SLC35G2: variants seen among roughly 807,000 people sequenced by gnomAD.
SLC35G2 encodes the protein solute carrier family 35 member G2, also known as transmembrane protein 22.
In SLC35G2, 20 loss-of-function variants were observed where a neutral mutation model predicts 27.2. The ratio of observed to expected loss-of-function variants is 0.74; its 90% CI spans 0.52 to 1.07. The LOEUF is 1.07. Ranked by LOEUF, SLC35G2 falls within the 50% of genes least tolerant of loss-of-function variation. SLC35G2 has a pLI of 0.00. For synonymous variants in SLC35G2, 148 were observed against 165.3 expected, an observed-to-expected ratio of 0.90 and a Z score of 0.80; for missense variants, 416 against 493.3, an observed-to-expected ratio of 0.84 and a Z score of 1.48.
intron 1 of SLC35G2, among the ~76,000 whole-genome samples, chr3:136,844,215 C>T (rs9289519): frequency 0.68 from 102,876 of 151,358 alleles, 35,179 homozygotes; most frequent in East Asian, 0.87. Context: ...AACAGCCAGG[C>T]GCGGTGGCTC....
chr3:136,820,511 A>C (rs1576882269), intron 1 of SLC35G2: 4 of 152,214 alleles, frequency 2.6e-5, no homozygotes, highest in Admixed American at 2.6e-4. Context: ...CTTGCCTTGG[A>C]GGTACAGATA....
In SLC35G2 at chr3:136,855,763, C is replaced by T. The variant is rs940655060; in HGVS notation, c.*64C>T. ...ATGTATACTGCCATTTTAATGTTTA[C>T]CTATGAATGTCTTTTGTGTTATATA... On this transcript the variant is annotated 3_prime_UTR_variant, in exon 2 of 2. Coordinates refer to ENST00000446465, the MANE Select transcript of SLC35G2 (RefSeq NM_025246.3). 8 of 1,271,000 alleles carry T rather than the reference C, an allele frequency of 6.3e-6. No individual in the cohort carries two copies. The highest frequency in any genetic ancestry group is 9.1e-6 in the Non-Finnish European group (8 of 877,286). 78.7% of individuals were successfully genotyped at this position (1,271,000 alleles called of 1,614,324 possible).
intron 1 of SLC35G2, among the ~76,000 whole-genome samples, chr3:136,822,959 T>A (rs1375915429): frequency 2.0e-5 from 3 of 152,238 alleles, no homozygotes; most frequent in Non-Finnish European, 4.4e-5. Flanking sequence ...ATGGTAGCTC[T>A]ATTTTTATTT....
At chr3:136,826,982 T>C (rs1021479213) in intron 1 of SLC35G2, among the ~76,000 whole-genome samples, 10 of 151,596 alleles carry the variant, frequency 6.6e-5, no homozygotes, top group African/African-American at 2.4e-4. Flanking sequence ...CTTTTTTTTT[T>C]TTTTAGTATT....
intron 1 of SLC35G2, among the ~76,000 whole-genome samples, chr3:136,833,116 C>G (rs1936775194): frequency 6.7e-6 from 1 of 149,502 alleles, no homozygotes; most frequent in South Asian, 2.1e-4. Context: ...GGTGAAAGGA[C>G]TGAAAACCAT....
At position 136,854,552 on chromosome 3, in the gene SLC35G2, C is replaced by T. The variant is rs1255737709; in HGVS notation, c.92C>T (p.Pro31Leu). 5.6e-6 allele frequency: 9 copies of T among 1,611,288 alleles called. 1 individual carries two copies. In the South Asian group the frequency reaches 8.9e-5, roughly 16 times the overall value. ...ATGGTGAAATATACTTCTCATTATC[C>T]CCAGCCTGGCGATGATGGATATGAA... is the stretch of plus-strand genomic sequence containing the variant. ...TVMVKYTSHY[P>L]QPGDDGYEEI... Residue 31 changes from proline (P) to leucine (L), a missense_variant, in exon 2 of 2, where the codon CCC becomes CTC. Physicochemically the swap from Pro to Leu is moderately conservative, Grantham distance 98. Coordinates refer to ENST00000446465, the MANE Select transcript of SLC35G2 (RefSeq NM_025246.3).
In SLC35G2 at chr3:136,855,629, G is replaced by T; in HGVS notation, c.1169G>T (p.Gly390Val). Residue 390 changes from glycine (G) to valine (V), a missense_variant, in exon 2 of 2, where the codon GGC (glycine) becomes GTC (valine). Coordinates refer to ENST00000446465, the MANE Select transcript of SLC35G2 (RefSeq NM_025246.3). ...IIMISVFVLAGYKLYWRNLRK... is the reference protein window; with the variant it reads ...IIMISVFVLAVYKLYWRNLRK... ...ATGATTAGTGTTTTTGTCCTTGCTG[G>T]CTATAAACTTTACTGGAGGAATTTA... 1 of 1,613,572 alleles carries T rather than the reference G, an allele frequency of 6.2e-7. No individual in the cohort carries two copies. The highest frequency in any genetic ancestry group is 8.5e-7 in the Non-Finnish European group (1 of 1,179,654).
Position 136,855,009 on chromosome 3 carries a change from T to C in SLC35G2, c.549T>C (p.Tyr183=), listed in dbSNP as rs1172100021. ...VCNVISITCA[Y]TSFSIVPPSN... ...ATGTCATTTCTATCACTTGTGCTTA[T>C]ACATCATTTTCAATAGTTCCTCCCA... Residue 183 remains tyrosine, a synonymous_variant, in exon 2 of 2, where the codon TAT becomes TAC. Coordinates refer to ENST00000446465, the MANE Select transcript of SLC35G2 (RefSeq NM_025246.3). The C allele has an allele frequency of 7.4e-6, 12 of 1,614,114 alleles. No homozygotes were observed. Among genetic ancestry groups the C allele is most frequent in the South Asian group, 2.2e-5 (2 of 91,090 alleles).
chr3:136,851,513 AAAAAAAAAG>A (rs1937630516), intron 1 of SLC35G2, among the ~76,000 whole-genome samples: 1 of 150,868 alleles, frequency 6.6e-6, no homozygotes, highest in African/African-American at 2.4e-5. Flanking sequence ...AAAAAAAAAA[AAAAAAAAAG>A]ATGAACAGTG....
At chr3:136,836,528 C>T (rs943468805) in intron 1 of SLC35G2, among the ~76,000 whole-genome samples, 1 of 152,176 alleles carries the variant, frequency 6.6e-6, no homozygotes, top group Non-Finnish European at 1.5e-5. Flanking sequence ...AGGTCTTCAA[C>T]ACCAATGGAG....
chr3:136,845,844 T>C (rs1370439506), intron 1 of SLC35G2, among the ~76,000 whole-genome samples: 1 of 150,720 alleles, frequency 6.6e-6, no homozygotes, highest in Non-Finnish European at 1.5e-5. Flanking sequence ...TCTGCCCGCC[T>C]CGGCCTCCCA....
intron 1 of SLC35G2, among the ~76,000 whole-genome samples, chr3:136,823,782 T>A (rs951424068): frequency 2.6e-5 from 4 of 151,526 alleles, no homozygotes; most frequent in African/African-American, 9.7e-5. Context: ...TTTTTTGTAT[T>A]TTTAGTAGAG....
At chr3:136,841,265 C>A (rs978507883) in intron 1 of SLC35G2, among the ~76,000 whole-genome samples, 2 of 152,126 alleles carry the variant, frequency 1.3e-5, no homozygotes, top group Admixed American at 6.5e-5. Flanking sequence ...AAAGGATGGA[C>A]ACAACACCAA....
chr3:136,826,057 GAC>G (rs1269447683), intron 1 of SLC35G2, among the ~76,000 whole-genome samples: 1 of 89,764 alleles, frequency 1.1e-5, no homozygotes, highest in Non-Finnish European at 2.4e-5. Context: ...TATTTTTTAA[GAC>G]ACAGTCTCAC....
chr3:136,830,104 C>CTTTTTTTTTTTT (rs71134418), intron 1 of SLC35G2, among the ~76,000 whole-genome samples: 1 of 88,814 alleles, frequency 1.1e-5, no homozygotes, highest in Non-Finnish European at 2.1e-5. Context: ...TACATTATTT[C>CTTTTTTTTTTTT]TTTTTTTTTT....
intron 1 of SLC35G2, among the ~76,000 whole-genome samples, chr3:136,835,455 A>G (rs184392882): frequency 6.6e-6 from 1 of 152,082 alleles, no homozygotes; most frequent in Admixed American, 6.5e-5. Flanking sequence ...AAGGCACATA[A>G]TATTGTTTTT....
intron 1 of SLC35G2, among the ~76,000 whole-genome samples, chr3:136,822,403 C>T (rs1394813907): frequency 6.6e-6 from 1 of 152,148 alleles, no homozygotes; most frequent in Admixed American, 6.6e-5. Context: ...CAACCTCTGC[C>T]TTCTGGGTTC....
intron 1 of SLC35G2, among the ~76,000 whole-genome samples, chr3:136,844,270 A>C (rs1937252204): frequency 6.7e-6 from 1 of 150,012 alleles, no homozygotes; most frequent in African/African-American, 2.5e-5. Flanking sequence ...CGGGCGGATC[A>C]TGAGGTAAGG....
chr3:136,841,612 T>G (rs1419009008), intron 1 of SLC35G2: 3 of 152,158 alleles, frequency 2.0e-5, no homozygotes, highest in African/African-American at 7.2e-5. Context: ...ATGCCTGTAA[T>G]CTCAGCTACT....
Sources: allele counts gnomAD v4.1 joint callset (sites outside exome capture counted in the v4.1 genomes callset), GRCh38; gene constraint gnomAD v4.1.1; transcripts MANE v1.5; gene names NCBI Gene and HGNC (gene_info 2026-07-23, HGNC 2026-07-21).